Variants in CYTH1 observed in about 807,000 individuals in gnomAD.
The protein encoded by CYTH1 is cytohesin-1.
CYTH1 carries 18 observed loss-of-function variants against 61.8 expected under a neutral mutation model. The observed-to-expected ratio is 0.29, with a 90% CI of 0.20 to 0.43. CYTH1 has a LOEUF of 0.43. Ranked by LOEUF, CYTH1 falls within the 20% of genes least tolerant of loss-of-function variation. The pLI is 1.00. For synonymous variants in CYTH1, 174 were observed against 184.3 expected (o/e 0.94, Z 0.45); for missense variants, 336 against 510.5 (o/e 0.66, Z 3.29).
At chr17:78,731,926 G>A (rs1448875422) in intron 1 of CYTH1, among the ~76,000 whole-genome samples, 1 of 152,186 alleles carries the variant, frequency 6.6e-6, no homozygotes, top group Non-Finnish European at 1.5e-5. Context: ...ATTTCCAGGA[G>A]GTCTAGCCCA....
At position 78,674,765 on chromosome 17, in the gene CYTH1, GGC is replaced by G; in HGVS notation, c.*1324_*1325del. ...CCTGCTCTGCCTGGACTGGCATGCT[GGC>G]CCTGGCGGAGTGGCAGGAGCTGCCC... is the stretch of plus-strand genomic sequence containing the variant. On this transcript the variant is annotated 3_prime_UTR_variant, in exon 14 of 14. Coordinates refer to ENST00000446868, the MANE Select transcript of CYTH1 (RefSeq NM_004762.6). The G allele has an allele frequency of 6.5e-6, 1 of 152,672 alleles. No individual in the cohort carries two copies. The highest frequency in any genetic ancestry group is 1.9e-4 in the East Asian group (1 of 5,192). 9.5% of individuals were successfully genotyped at this position (152,672 alleles called of 1,614,324 possible). A position where few individuals can be genotyped will look rare whatever the true frequency, so the allele number is the denominator to read the frequency against.
intron 13 of CYTH1, 167 bp from the exon 14 acceptor site, chr17:78,676,336 G>T (rs1302464470): frequency 3.2e-6 from 2 of 622,042 alleles, no homozygotes; most frequent in African/African-American, 1.8e-5. Context: ...TGTCCACACA[G>T]TGACCTAAGG....
chr17:78,676,904 A>T, intron 13 of CYTH1: 1 of 432,570 alleles, frequency 2.3e-6, no homozygotes, highest in Admixed American at 2.6e-5. Context: ...AAGTCCTGAC[A>T]CTTAATTTCT....
chr17:78,711,706 CTTT>C (rs78639438), intron 1 of CYTH1, among the ~76,000 whole-genome samples: 26 of 141,254 alleles, frequency 1.8e-4, no homozygotes, highest in East Asian at 2.1e-4. Flanking sequence ...CCGACTTTTC[CTTT>C]TTTTTTTTTT....
At chr17:78,708,354 C>A in intron 2 of CYTH1, 93 bp from the exon 3 acceptor site, 3 of 1,126,074 alleles carry the variant, frequency 2.7e-6, no homozygotes, top group East Asian at 2.5e-5. Context: ...CAACCAAAAA[C>A]AAAATAAAGC....
chr17:78,725,873 A>G (rs911932718), intron 1 of CYTH1, among the ~76,000 whole-genome samples: 11 of 152,158 alleles, frequency 7.2e-5, no homozygotes, highest in African/African-American at 2.7e-4. Flanking sequence ...GGCCCTCCTC[A>G]TATCTGAACA....
chr17:78,776,000 CA>C (rs2093489371), intron 1 of CYTH1, among the ~76,000 whole-genome samples: 1 of 151,804 alleles, frequency 6.6e-6, no homozygotes, highest in Non-Finnish European at 1.5e-5. Flanking sequence ...ACTAAAAATA[CA>C]AAAATCAGCC....
At chr17:78,742,428 G>A (rs1351028249) in intron 1 of CYTH1, among the ~76,000 whole-genome samples, 1 of 152,142 alleles carries the variant, frequency 6.6e-6, no homozygotes, top group Non-Finnish European at 1.5e-5. Flanking sequence ...TGGGCGTGGT[G>A]GCACATGTCT....
At chr17:78,760,815 C>G (rs995474246) in intron 1 of CYTH1, among the ~76,000 whole-genome samples, 3 of 151,684 alleles carry the variant, frequency 2.0e-5, no homozygotes, top group Non-Finnish European at 4.4e-5. Flanking sequence ...AAATATATCC[C>G]AGATGCTCCT....
At chr17:78,754,946 T>C (rs1349668460) in intron 1 of CYTH1, among the ~76,000 whole-genome samples, 1 of 152,144 alleles carries the variant, frequency 6.6e-6, no homozygotes, top group African/African-American at 2.4e-5. Context: ...AATCCAGCCA[T>C]TCCATGTGTA....
chr17:78,774,446 A>G (rs1363810678), intron 1 of CYTH1, among the ~76,000 whole-genome samples: 2 of 152,228 alleles, frequency 1.3e-5, no homozygotes, highest in African/African-American at 4.8e-5. Flanking sequence ...AAACATGCAC[A>G]GAAGTGTTCT....
chr17:78,779,126 C>T (rs980894639), intron 1 of CYTH1, among the ~76,000 whole-genome samples: 10 of 151,980 alleles, frequency 6.6e-5, no homozygotes, highest in Non-Finnish European at 1.3e-4. Context: ...ACAGGCCAGG[C>T]GGGGTGGTTC....
chr17:78,703,708 T>A (rs2093037103), intron 3 of CYTH1, among the ~76,000 whole-genome samples: 1 of 152,230 alleles, frequency 6.6e-6, no homozygotes, highest in African/African-American at 2.4e-5. Context: ...CAGATCTGGC[T>A]TCTTTCATTA....
intron 1 of CYTH1, among the ~76,000 whole-genome samples, chr17:78,772,336 A>ATG (rs1027951877): frequency 6.6e-6 from 1 of 152,142 alleles, no homozygotes; most frequent in Non-Finnish European, 1.5e-5. Context: ...ATGACCTATG[A>ATG]TGTGTGCCCC....
At chr17:78,727,442 G>A (rs1453590569) in intron 1 of CYTH1, among the ~76,000 whole-genome samples, 1 of 152,196 alleles carries the variant, frequency 6.6e-6, no homozygotes, top group Non-Finnish European at 1.5e-5. Context: ...TTCCTGCTCT[G>A]AGAAGTCCTT....
rs1421836734 is a variant in CYTH1 at position 78,760,566 on chromosome 17, TATAC to T, written c.22+21632_22+21635del. The stretch of plus-strand genomic sequence containing the variant: ...ATATGTATATATATATGTATATATA[TATAC>T]ACATACATATATATGTATATATATG... On this transcript the variant is annotated intron_variant, in intron 1 of 13. Coordinates refer to ENST00000446868, the MANE Select transcript of CYTH1 (RefSeq NM_004762.6). 9.0e-4 allele frequency among the ~76,000 whole-genome samples: 28 copies of T among 31,210 alleles called. 1 individual carries two copies. The highest frequency in any genetic ancestry group is 2.8e-3 in the African/African-American group (27 of 9,558). The allele number at this position is 31,210 out of a possible 152,430, so 20.5% of individuals were successfully genotyped here. A position where few individuals can be genotyped will look rare whatever the true frequency, so the allele number is the denominator to read the frequency against.
chr17:78,674,499 G>A lies in CYTH1; in HGVS notation c.*1592C>T, dbSNP rs2092675497. 7.4e-6 allele frequency: 1 copy of A among 135,938 alleles called. No homozygotes were observed. Among genetic ancestry groups the A allele is most frequent in the African/African-American group, 2.7e-5 (1 of 36,432 alleles). 8.4% of individuals were successfully genotyped at this position (135,938 alleles called of 1,614,324 possible). A position where few individuals can be genotyped will look rare whatever the true frequency, so the allele number is the denominator to read the frequency against. On this transcript the variant is annotated 3_prime_UTR_variant, in exon 14 of 14. Coordinates refer to ENST00000446868, the MANE Select transcript of CYTH1 (RefSeq NM_004762.6). ...TGCCTAAAGCCATTCCCTCCAGGTA[G>A]GATCTACACAAAGTGGCGGGGAGGG...
intron 1 of CYTH1, chr17:78,727,792 G>A (rs2093274359): frequency 2.2e-6 from 1 of 461,178 alleles, no homozygotes; most frequent in East Asian, 7.1e-5. Flanking sequence ...GCTGCTCTTG[G>A]ACCGTCCCCT....
At chr17:78,684,269 G>A (rs2092794013) in intron 11 of CYTH1, among the ~76,000 whole-genome samples, 1 of 152,198 alleles carries the variant, frequency 6.6e-6, no homozygotes, top group Non-Finnish European at 1.5e-5. Context: ...TCGCAGACAG[G>A]TGCTCACGCT....
Sources: allele counts gnomAD v4.1 joint callset (sites outside exome capture counted in the v4.1 genomes callset), GRCh38; gene constraint gnomAD v4.1.1; transcripts MANE v1.5; gene names NCBI Gene and HGNC (gene_info 2026-07-23, HGNC 2026-07-21).